Variants in RPTOR observed in about 807,000 individuals in gnomAD.
RPTOR encodes regulatory-associated protein of mTOR.
A neutral mutation model predicts 169.9 loss-of-function variants in RPTOR; 21 were observed. That is an observed-to-expected ratio of 0.12 (90% CI 0.09 to 0.18). The LOEUF (loss-of-function observed/expected upper bound fraction) is 0.18, where lower values mean the gene tolerates loss of function less well. Ranked by LOEUF, RPTOR falls within the 10% of genes least tolerant of loss-of-function variation. The pLI, the probability that RPTOR is intolerant of heterozygous loss-of-function variation, is 1.00. For synonymous variants in RPTOR, 732 were observed against 753.2 expected, an observed-to-expected ratio of 0.97 and a Z score of 0.46; for missense variants, 1,133 against 1,855.9, an observed-to-expected ratio of 0.61 and a Z score of 7.16.
intron 1 of RPTOR, among the ~76,000 whole-genome samples, chr17:80,558,224 C>G (rs1328744527): frequency 6.6e-6 from 1 of 152,168 alleles, no homozygotes; most frequent in East Asian, 1.9e-4. Flanking sequence ...TGGTTTGAGT[C>G]AGGGAGGTCA....
chr17:80,696,843 G>A (rs62067880), intron 3 of RPTOR, among the ~76,000 whole-genome samples: 13,819 of 152,208 alleles, frequency 0.091, 707 homozygotes, highest in African/African-American at 0.14. Flanking sequence ...AGGGGAACAC[G>A]GTGGCACCCA....
Position 80,823,394 on chromosome 17 carries a change from G to T in RPTOR, c.1136+171G>T, listed in dbSNP as rs560762168. On this transcript the variant is annotated intron_variant, in intron 9 of 33. Coordinates refer to ENST00000306801, the MANE Select transcript of RPTOR (RefSeq NM_020761.3). The surrounding 1 kb of genome is among the most constrained non-coding windows in gnomAD (Gnocchi z 4.5). ...GGCTCCCAGAGATCTCCACACAGAG[G>T]AGTGGGGGTCTCCTTCAGAGGGCAG... is the stretch of plus-strand genomic sequence containing the variant. 7 of 805,024 alleles carry T rather than the reference G, an allele frequency of 8.7e-6. No homozygotes were observed. In the South Asian group the frequency reaches 1.4e-4, roughly 16 times the overall value. The allele number at this position is 805,024 out of a possible 1,614,324, so 49.9% of individuals were successfully genotyped here.
chr17:80,760,365 G>C (rs905062063), intron 6 of RPTOR, among the ~76,000 whole-genome samples: 4 of 139,912 alleles, frequency 2.9e-5, no homozygotes, highest in East Asian at 4.3e-4. Context: ...GCAGTGGCGT[G>C]ATCTCGGCTC....
intron 7 of RPTOR, among the ~76,000 whole-genome samples, chr17:80,814,876 G>T (rs2067307880): frequency 6.6e-6 from 1 of 152,146 alleles, no homozygotes; most frequent in Non-Finnish European, 1.5e-5. Context: ...GGAACCCCTG[G>T]GTTGGTGTGG....
chr17:80,899,665 C>T (rs2068451007), intron 20 of RPTOR, among the ~76,000 whole-genome samples: 1 of 152,268 alleles, frequency 6.6e-6, no homozygotes, highest in Non-Finnish European at 1.5e-5. Context: ...ACTTCCCCAA[C>T]ACTGCCAGTG....
intron 6 of RPTOR, among the ~76,000 whole-genome samples, chr17:80,765,926 G>T (rs537101478): frequency 6.6e-6 from 1 of 152,132 alleles, no homozygotes; most frequent in African/African-American, 2.4e-5. Flanking sequence ...ATTCTCTCTC[G>T]CACTAAAACA....
At chr17:80,618,047 C>T (rs143564020) in intron 1 of RPTOR, among the ~76,000 whole-genome samples, 1,625 of 150,874 alleles carry the variant, frequency 0.011, 37 homozygotes, top group African/African-American at 0.037. Context: ...GTGGTGTGAT[C>T]TCGGCTCACT....
At chr17:80,772,283 C>G (rs2066851345) in intron 6 of RPTOR, among the ~76,000 whole-genome samples, 1 of 152,164 alleles carries the variant, frequency 6.6e-6, no homozygotes, top group African/African-American at 2.4e-5. Context: ...AATATCACAT[C>G]CAAAAACTCA....
rs1421280064 is a variant in RPTOR at position 80,743,869 on chromosome 17, GCA to G, written c.655-10138_655-10137del. 9.9e-5 allele frequency among the ~76,000 whole-genome samples: 12 copies of G among 121,356 alleles called. 1 individual carries two copies. Among genetic ancestry groups the G allele is most frequent in the African/African-American group, 4.0e-4 (12 of 29,924 alleles). The allele number at this position is 121,356 out of a possible 152,430, so 79.6% of individuals were successfully genotyped here. On this transcript the variant is annotated intron_variant, in intron 5 of 33. Coordinates refer to ENST00000306801, the MANE Select transcript of RPTOR (RefSeq NM_020761.3). ...GTTACTAGCAGAGCCCTGGCTACTAGCACAGCCCTGGCTACTAGCACTGTCCT... is the reference window on the plus strand; with the variant it reads ...GTTACTAGCAGAGCCCTGGCTACTAGCAGCCCTGGCTACTAGCACTGTCCT...
intron 11 of RPTOR, among the ~76,000 whole-genome samples, chr17:80,850,043 G>A (rs905864335): frequency 1.3e-5 from 2 of 152,218 alleles, no homozygotes; most frequent in African/African-American, 4.8e-5. Context: ...TGATATTTAT[G>A]TGTTCATTTA....
chr17:80,905,947 C>T (rs1177483652), intron 20 of RPTOR, among the ~76,000 whole-genome samples: 1 of 152,228 alleles, frequency 6.6e-6, no homozygotes, highest in Non-Finnish European at 1.5e-5. Flanking sequence ...ACAGCCCCTT[C>T]ACGGGGCAGT....
chr17:80,576,273 T>C (rs1193254400), intron 1 of RPTOR, among the ~76,000 whole-genome samples: 1 of 152,224 alleles, frequency 6.6e-6, no homozygotes, highest in African/African-American at 2.4e-5. Context: ...AATGCCTTTT[T>C]ATAGATTGAA....
intron 9 of RPTOR, among the ~76,000 whole-genome samples, chr17:80,836,539 G>A (rs552568787): frequency 5.9e-5 from 9 of 152,288 alleles, no homozygotes; most frequent in Middle Eastern, 3.4e-3. Flanking sequence ...CTGACACAAA[G>A]CAGGGGTCGG....
intron 6 of RPTOR, among the ~76,000 whole-genome samples, chr17:80,770,286 C>G (rs1476610869): frequency 6.6e-6 from 1 of 152,182 alleles, no homozygotes; most frequent in East Asian, 1.9e-4. Context: ...CATCTAAAGC[C>G]CACCTCTTAG....
chr17:80,922,756 G>C lies in RPTOR; in HGVS notation c.2553G>C (p.Leu851=). The part of the protein sequence containing the change: ...ATVNARPQRV[L]DTSSLTQSAP... ...TGAACGCCCGGCCGCAGCGCGTCCT[G>C]GACACCTCCTCCCTCACGCAGTCGG... is the stretch of plus-strand genomic sequence containing the variant. Residue 851 remains leucine (L), a synonymous_variant, in exon 22 of 34, where the codon CTG becomes CTC. Coordinates refer to ENST00000306801, the MANE Select transcript of RPTOR (RefSeq NM_020761.3). 1 of 1,589,022 alleles carries C rather than the reference G, an allele frequency of 6.3e-7. No homozygotes were observed. Among genetic ancestry groups the C allele is most frequent in the Non-Finnish European group, 8.5e-7 (1 of 1,171,860 alleles).
At position 80,721,603 on chromosome 17, in the gene RPTOR, G is replaced by C. The variant is rs776983656; in HGVS notation, c.508-8957G>C. On this transcript the variant is annotated intron_variant, in intron 4 of 33. Coordinates refer to ENST00000306801, the MANE Select transcript of RPTOR (RefSeq NM_020761.3). This position sits in a 1 kb window ranked among gnomAD's most constrained non-coding sequence, Gnocchi z 4.7. ...CCTCAGTCGGTGGGGCTGGGCAGCT[G>C]GGTGTCTCCAGCCCATCATGCTGGA... Among the ~76,000 whole-genome samples the C allele has an allele frequency of 6.6e-6, 1 of 151,314 alleles. No homozygotes were observed. The highest frequency in any genetic ancestry group is 1.5e-5 in the Non-Finnish European group (1 of 68,022).
intron 7 of RPTOR, among the ~76,000 whole-genome samples, chr17:80,816,913 C>G (rs1305280632): frequency 6.6e-6 from 1 of 152,232 alleles, no homozygotes; most frequent in Non-Finnish European, 1.5e-5. Flanking sequence ...CCTGGTCCTC[C>G]CATTCCTGCG....
At chr17:80,634,611 GTAC>G (rs1567831244) in intron 2 of RPTOR, among the ~76,000 whole-genome samples, 16 of 10,828 alleles carry the variant, frequency 1.5e-3, no homozygotes, top group Non-Finnish European at 2.3e-3. Flanking sequence ...TACTGTGTGT[GTAC>G]TGTGTGCGTG....
At chr17:80,928,213 A>G (rs994672192) in intron 24 of RPTOR, among the ~76,000 whole-genome samples, 1 of 152,132 alleles carries the variant, frequency 6.6e-6, no homozygotes, top group African/African-American at 2.4e-5. Flanking sequence ...TCCAAACTTC[A>G]GAAGAGGAAG....
Sources: allele counts gnomAD v4.1 joint callset (sites outside exome capture counted in the v4.1 genomes callset), GRCh38; gene constraint gnomAD v4.1.1; non-coding constraint Gnocchi (gnomAD v3.1); transcripts MANE v1.5; gene names NCBI Gene and HGNC (gene_info 2026-07-23, HGNC 2026-07-21).